Variants in PLD5 observed in about 807,000 individuals in gnomAD.
PLD5 encodes inactive phospholipase D5.
Under a neutral mutation model 61.1 loss-of-function variants are expected in PLD5, and 36 were observed. The ratio of observed to expected loss-of-function variants is 0.59; its 90% CI spans 0.45 to 0.78. The LOEUF (loss-of-function observed/expected upper bound fraction) is 0.78. PLD5 is among the 30% of genes least tolerant of loss of function. The probability of loss-of-function intolerance (pLI) is 0.00; values close to 1 mark genes in which losing one functional copy is unlikely to be tolerated. For missense variants in PLD5, 515 were observed against 644.4 expected (o/e 0.80, Z 2.17); for synonymous variants, 243 against 242.8 (o/e 1.00, Z -0.01).
chr1:242,195,470 G>T (rs316828), intron 5 of PLD5, among the ~76,000 whole-genome samples: 128,617 of 152,284 alleles, frequency 0.84, 54,783 homozygotes, highest in African/African-American at 0.95. Context: ...CAATCTCGCT[G>T]TTTCTCTTAG....
chr1:242,464,472 A>G (rs1667214775), intron 1 of PLD5, among the ~76,000 whole-genome samples: 1 of 152,194 alleles, frequency 6.6e-6, no homozygotes, highest in South Asian at 2.1e-4. Flanking sequence ...TTGTAATCAA[A>G]CTTGCAAGGG....
intron 2 of PLD5, among the ~76,000 whole-genome samples, chr1:242,293,616 G>A (rs1242903338): frequency 6.6e-6 from 1 of 152,136 alleles, no homozygotes; most frequent in African/African-American, 2.4e-5. Context: ...CACATCCTCT[G>A]AGGATAAGTA....
At position 242,394,833 on chromosome 1, in the gene PLD5, A is replaced by AAT. The variant is rs199779933; in HGVS notation, c.190-46593_190-46592dup. 5.9e-3 allele frequency among the ~76,000 whole-genome samples: 750 copies of AAT among 127,758 alleles called. 19 individuals carry two copies. Among genetic ancestry groups the AAT allele is most frequent in the East Asian group, 0.049 (199 of 4,036 alleles). 83.8% of individuals were successfully genotyped at this position (127,758 alleles called of 152,430 possible). On this transcript the variant is annotated intron_variant, in intron 1 of 9. Coordinates refer to ENST00000536534, the MANE Select transcript of PLD5 (RefSeq NM_001372062.1). ...ATGTGAATATATATACATATATGTG[A>AAT]ATATATATACATATGTGAATATATA...
At chr1:242,295,393 T>C (rs1236652484) in intron 2 of PLD5, among the ~76,000 whole-genome samples, 1 of 152,226 alleles carries the variant, frequency 6.6e-6, no homozygotes, top group Non-Finnish European at 1.5e-5. Context: ...ACATGCAGTA[T>C]TCAATTTTCT....
chr1:242,289,968 A>G (rs1675265050), intron 2 of PLD5, among the ~76,000 whole-genome samples: 1 of 150,176 alleles, frequency 6.7e-6, no homozygotes, highest in Admixed American at 6.7e-5. Flanking sequence ...TGGCTCAGAT[A>G]AATTTGCAGT....
intron 6 of PLD5, among the ~76,000 whole-genome samples, chr1:242,123,611 C>T (rs959869006): frequency 3.9e-5 from 6 of 152,172 alleles, no homozygotes; most frequent in Non-Finnish European, 7.3e-5. Context: ...CAGCAGTACC[C>T]GGCAAAAGCC....
chr1:242,505,817 C>T (rs1229815867), intron 1 of PLD5, among the ~76,000 whole-genome samples: 3 of 152,216 alleles, frequency 2.0e-5, no homozygotes, highest in African/African-American at 7.2e-5. Flanking sequence ...AACCAGCCTG[C>T]TGGGGAATCA....
At chr1:242,114,266 G>C (rs1300446871) in intron 6 of PLD5, among the ~76,000 whole-genome samples, 1 of 152,002 alleles carries the variant, frequency 6.6e-6, no homozygotes. Context: ...GACACATTTT[G>C]ATTTTCAATT....
rs187083333 is a variant in PLD5 at position 242,126,187 on chromosome 1, C to T, written c.736-1522G>A. On this transcript the variant is annotated intron_variant, in intron 5 of 9. Transcript: ENST00000536534. ...ATGACACAAACAAATGGGAACACATCCCATGCTCATGGATGGGTAGAATCA... is the reference window on the plus strand; with the variant it reads ...ATGACACAAACAAATGGGAACACATTCCATGCTCATGGATGGGTAGAATCA... Among the ~76,000 whole-genome samples, 49 of 152,278 alleles carry T rather than the reference C, an allele frequency of 3.2e-4. 1 individual carries two copies. The highest frequency in any genetic ancestry group is 1.2e-3 in the African/African-American group (48 of 41,562).
In PLD5 at chr1:242,347,078, C is replaced by T. The variant is rs557432110; in HGVS notation, c.326+1028G>A. The stretch of plus-strand genomic sequence containing the variant: ...TGTGTTTTGATTTCTTTCTTTTATG[C>T]TTTGCTCTGTATGTAATACCTGTTG... On this transcript the variant is annotated intron_variant, in intron 2 of 9. Coordinates refer to ENST00000536534, the MANE Select transcript of PLD5 (RefSeq NM_001372062.1). Among the ~76,000 whole-genome samples, 8 of 152,304 alleles carry T rather than the reference C, an allele frequency of 5.3e-5. No homozygotes were observed. In the South Asian group the frequency reaches 1.7e-3, roughly 32 times the overall value.
intron 1 of PLD5, among the ~76,000 whole-genome samples, chr1:242,490,029 A>C (rs1668092691): frequency 6.6e-6 from 1 of 152,196 alleles, no homozygotes; most frequent in Admixed American, 6.5e-5. Context: ...TCGAACTTTT[A>C]AGAGATCCAC....
rs578128264 is a variant in PLD5, at chr1:242,247,023, G to T, written c.607+18314C>A. On this transcript the variant is annotated intron_variant, in intron 4 of 9. Coordinates refer to ENST00000536534, the MANE Select transcript of PLD5 (RefSeq NM_001372062.1). ...TTTTGAGACGGAGTTTCGCTCTGTCGCCCAGGCTGGAGTGCAGTGGCGCGA... is the reference window on the plus strand; with the variant it reads ...TTTTGAGACGGAGTTTCGCTCTGTCTCCCAGGCTGGAGTGCAGTGGCGCGA... 3.3e-3 allele frequency among the ~76,000 whole-genome samples: 497 copies of T among 148,890 alleles called. 3 individuals are homozygous for T. The highest frequency in any genetic ancestry group is 0.012 in the African/African-American group (469 of 39,588).
chr1:242,216,606 A>G (rs1293914388), intron 5 of PLD5, among the ~76,000 whole-genome samples: 2 of 152,220 alleles, frequency 1.3e-5, no homozygotes, highest in African/African-American at 4.8e-5. Flanking sequence ...CATTTAATCT[A>G]TACTGAATAA....
chr1:242,426,309 TAAAAAAAAAA>T (rs56996310), intron 1 of PLD5, among the ~76,000 whole-genome samples: 61 of 120,068 alleles, frequency 5.1e-4, no homozygotes, highest in South Asian at 4.4e-3. Flanking sequence ...CGTTTCCAGT[TAAAAAAAAAA>T]AAAAAAAAAA....
intron 5 of PLD5, among the ~76,000 whole-genome samples, chr1:242,185,653 G>A (rs1400280512): frequency 6.6e-6 from 1 of 152,160 alleles, no homozygotes; most frequent in Non-Finnish European, 1.5e-5. Context: ...ATTCCCTTAA[G>A]AGTCTCTTAA....
chr1:242,504,689 G>C (rs983066362), intron 1 of PLD5, among the ~76,000 whole-genome samples: 1 of 151,430 alleles, frequency 6.6e-6, no homozygotes, highest in Non-Finnish European at 1.5e-5. Context: ...TCAGCAACTT[G>C]TTTCTCTAAA....
intron 1 of PLD5, chr1:242,449,461 C>A: frequency 6.5e-7 from 1 of 1,534,318 alleles, no homozygotes; most frequent in South Asian, 1.2e-5. Context: ...GAGAATGTTT[C>A]ATGTGGCACA....
intron 5 of PLD5, among the ~76,000 whole-genome samples, chr1:242,216,678 TCCTC>T (rs1670220620): frequency 6.6e-6 from 1 of 152,204 alleles, no homozygotes; most frequent in Non-Finnish European, 1.5e-5. Flanking sequence ...TACAGCACCT[TCCTC>T]GGTGTCTGTG....
At chr1:242,325,856 CTTATT>C (rs1354759801) in intron 2 of PLD5, among the ~76,000 whole-genome samples, 4 of 152,106 alleles carry the variant, frequency 2.6e-5, no homozygotes, top group African/African-American at 9.7e-5. Flanking sequence ...GTCAGAAATT[CTTATT>C]TTATTATAGT....
Sources: gnomAD v4.1 joint callset for allele counts (sites outside exome capture counted in the v4.1 genomes callset) on GRCh38, gnomAD v4.1.1 for gene constraint, MANE v1.5 for transcripts, NCBI Gene and HGNC (gene_info 2026-07-23, HGNC 2026-07-21) for gene names.